PHLPP2: variants seen among roughly 807,000 people sequenced by gnomAD.
The protein encoded by PHLPP2 is PH domain leucine-rich repeat-containing protein phosphatase 2.
Under a neutral mutation model 124.9 loss-of-function variants are expected in PHLPP2, and 66 were observed. That is an observed-to-expected ratio of 0.53 (90% CI 0.43 to 0.65). PHLPP2 has a LOEUF of 0.65. Ranked by LOEUF, PHLPP2 falls within the 30% of genes least tolerant of loss-of-function variation. PHLPP2 has a pLI of 0.00. For missense variants in PHLPP2, 1,685 were observed against 1,600.4 expected (o/e 1.05, Z -0.90); for synonymous variants, 681 against 624.7 (o/e 1.09, Z -1.34).
Position 71,645,036 on chromosome 16 carries a change from A to G in PHLPP2, c.*3854T>C. ...ATGCTCTGGCTCATATTATTGAATT[A>G]AAAAATTTAACACATTTCAAAAATA... On this transcript the variant is annotated 3_prime_UTR_variant, in exon 19 of 19. Transcript: ENST00000568954. 1 of 277,806 alleles carries G rather than the reference A, an allele frequency of 3.6e-6. No homozygotes were observed. Among genetic ancestry groups the G allele is most frequent in the Non-Finnish European group, 7.1e-6 (1 of 141,360 alleles). The allele number at this position is 277,806 out of a possible 1,614,324, so 17.2% of individuals were successfully genotyped here. A position where few individuals can be genotyped will look rare whatever the true frequency, so the allele number is the denominator to read the frequency against.
Position 71,669,323 on chromosome 16 carries a change from A to G in PHLPP2, c.1580T>C (p.Ile527Thr). 6.2e-7 allele frequency: 1 copy of G among 1,612,854 alleles called. No individual in the cohort carries two copies. Residue 527 changes from isoleucine (I) to threonine (T), a missense_variant, in exon 11 of 19, where the codon ATA (isoleucine) becomes ACA (threonine). Physicochemically the swap from Ile to Thr is moderately conservative, Grantham distance 89. Transcript: ENST00000568954. The stretch of plus-strand genomic sequence containing the variant: ...ATTATAGCTCACATCTAATACTTCT[A>G]TCTTCTTTGCTTCACAGGCCCAGTC... ...VPDWACEAKK[I>T]EVLDVSYNLL...
intron 5 of PHLPP2, among the ~76,000 whole-genome samples, chr16:71,683,313 G>A (rs1309147816): frequency 6.6e-6 from 1 of 152,198 alleles, no homozygotes; most frequent in Non-Finnish European, 1.5e-5. Flanking sequence ...CTTTTCAAAG[G>A]CTAAAGTGCA....
chr16:71,714,717 C>G lies in PHLPP2; in HGVS notation c.79G>C (p.Asp27His). 6.2e-7 allele frequency: 1 copy of G among 1,614,146 alleles called. No homozygotes were observed. The highest frequency in any genetic ancestry group is 8.5e-7 in the Non-Finnish European group (1 of 1,180,004). Residue 27 changes from aspartate (D) to histidine (H), a missense_variant, in exon 2 of 19, where the codon GAT (aspartate) becomes CAT (histidine). By Grantham distance (81) the Asp-to-His change is moderately conservative. Transcript: ENST00000568954. ...GSRERDWLREDVKRGCVYLYG... is the reference protein window; with the variant it reads ...GSRERDWLREHVKRGCVYLYG... ...AGGTAAACACAGCCTCTCTTTACAT[C>G]TTCTCTTAGCCAGTCTCTTTCTCGA...
chr16:71,658,304 A>T lies in PHLPP2; in HGVS notation c.2208T>A (p.Ala736=). 1 of 1,613,736 alleles carries T rather than the reference A, an allele frequency of 6.2e-7. No homozygotes were observed. Among genetic ancestry groups the T allele is most frequent in the East Asian group, 2.2e-5 (1 of 44,866 alleles). ...CAGTCAGGTCAAGGTCTTGTAATGT[A>T]GCAGGCAAAGCCTCTGGAATCAGGA... ...TEILIPEALP[A]TLQDLDLTGN... is the part of the protein sequence containing the mutation. Residue 736 remains alanine, a synonymous_variant, in exon 15 of 19, where the codon GCT becomes GCA. Transcript: ENST00000568954.
chr16:71,668,636 C>A (rs1307177996), intron 11 of PHLPP2, among the ~76,000 whole-genome samples: 1 of 151,864 alleles, frequency 6.6e-6, no homozygotes, highest in African/African-American at 2.4e-5. Context: ...GTGGTGTGCA[C>A]CCATAGTCCC....
Position 71,648,982 on chromosome 16 carries a change from G to C in PHLPP2, c.3880C>G (p.Gln1294Glu). The C allele has an allele frequency of 6.2e-7, 1 of 1,614,062 alleles. No individual in the cohort carries two copies. The highest frequency in any genetic ancestry group is 1.3e-5 in the African/African-American group (1 of 75,022). The change falls in exon 19 of 19, where the codon CAA (glutamine) becomes GAA (glutamate). Residue 1294 changes from glutamine (Q) to glutamate (E), a missense_variant. By Grantham distance (29) the Gln-to-Glu change is conservative. Transcript: ENST00000568954. Reference sequence around the variant, plus strand: ...CGGCTGTCCTGGTGCTGTTTCATTTGTTCCTTCACTTCTTCTTCCAGGTCA... The same window carrying C: ...CGGCTGTCCTGGTGCTGTTTCATTTCTTCCTTCACTTCTTCTTCCAGGTCA... ...PHDLEEEVKE[Q>E]MKQHQDSRLE...
rs1166886732 is a variant in PHLPP2 at position 71,645,455 on chromosome 16, A to G, written c.*3435T>C. Reference sequence around the variant, plus strand: ...ACATCACTGAATGGCTTGGAGACTAATTATTTAATAATTGGTACATTTATC... The same window carrying G: ...ACATCACTGAATGGCTTGGAGACTAGTTATTTAATAATTGGTACATTTATC... On this transcript the variant is annotated 3_prime_UTR_variant, in exon 19 of 19. Transcript: ENST00000568954. 1.3e-5 allele frequency: 2 copies of G among 152,652 alleles called. No individual in the cohort carries two copies. Among genetic ancestry groups the G allele is most frequent in the Non-Finnish European group, 2.9e-5 (2 of 68,048 alleles). 9.5% of individuals were successfully genotyped at this position (152,652 alleles called of 1,614,324 possible). A position where few individuals can be genotyped will look rare whatever the true frequency, so the allele number is the denominator to read the frequency against.
intron 1 of PHLPP2, among the ~76,000 whole-genome samples, chr16:71,722,994 C>T (rs1300979414): frequency 6.6e-6 from 1 of 152,234 alleles, no homozygotes; most frequent in African/African-American, 2.4e-5. Flanking sequence ...TTTTCATATC[C>T]TCCCACTCCC....
intron 16 of PHLPP2, among the ~76,000 whole-genome samples, chr16:71,656,091 C>T: frequency 8.2e-6 from 1 of 122,054 alleles, no homozygotes; most frequent in South Asian, 5.5e-4. Context: ...AGTTTATTAC[C>T]CCTTATAGCA....
chr16:71,710,476 C>T (rs542068424), intron 2 of PHLPP2, among the ~76,000 whole-genome samples: 1 of 152,288 alleles, frequency 6.6e-6, no homozygotes, highest in African/African-American at 2.4e-5. Flanking sequence ...CTAGGGAAAT[C>T]AGCAATGTGA....
intron 4 of PHLPP2, among the ~76,000 whole-genome samples, chr16:71,687,184 T>C (rs2145349042): frequency 6.6e-6 from 1 of 152,368 alleles, no homozygotes; most frequent in South Asian, 2.1e-4. Context: ...TGAAGATCTT[T>C]TCATGTGTTT....
Position 71,719,964 on chromosome 16 carries a change from A to ATTTTTTTTTTTTTTTTTTTTTTT in PHLPP2, c.-7+4342_-7+4364dup, listed in dbSNP as rs756642820. 3.8e-4 allele frequency among the ~76,000 whole-genome samples: 20 copies of ATTTTTTTTTTTTTTTTTTTTTTT among 53,248 alleles called. 3 individuals carry two copies. Among genetic ancestry groups the ATTTTTTTTTTTTTTTTTTTTTTT allele is most frequent in the African/African-American group, 1.3e-3 (15 of 11,984 alleles). The allele number at this position is 53,248 out of a possible 152,430, so 34.9% of individuals were successfully genotyped here. On this transcript the variant is annotated intron_variant, in intron 1 of 18. Coordinates refer to ENST00000568954, the MANE Select transcript of PHLPP2 (RefSeq NM_015020.3). The stretch of plus-strand genomic sequence containing the variant: ...AGGTGCACAACACCATGCCCAGCTA[A>ATTTTTTTTTTTTTTTTTTTTTTT]TTTTTTTTTTTTTTTTTTTTTTTTG...
At chr16:71,706,574 G>A (rs9888756) in intron 2 of PHLPP2, among the ~76,000 whole-genome samples, 128,645 of 152,126 alleles carry the variant, frequency 0.85, 54,575 homozygotes, top group East Asian at 0.99. Flanking sequence ...GTTAAAATCA[G>A]TAATATAGAT....
chr16:71,686,450 A>C (rs2045056096), intron 4 of PHLPP2, among the ~76,000 whole-genome samples: 1 of 152,104 alleles, frequency 6.6e-6, no homozygotes, highest in Non-Finnish European at 1.5e-5. Context: ...CTAGGATTAC[A>C]GGTGTGAGCC....
rs2044652436 is a variant in PHLPP2 at position 71,646,245 on chromosome 16, C to T, written c.*2645G>A. ...TTTGTATTATATTTTTCATAATGGG[C>T]TATGGCCTTTTTACCCTGTTTTAAT... On this transcript the variant is annotated 3_prime_UTR_variant, in exon 19 of 19. Coordinates refer to ENST00000568954, the MANE Select transcript of PHLPP2 (RefSeq NM_015020.3). The T allele has an allele frequency of 6.6e-6, 1 of 152,320 alleles. No homozygotes were observed. Among genetic ancestry groups the T allele is most frequent in the South Asian group, 2.1e-4 (1 of 4,832 alleles). 9.4% of individuals were successfully genotyped at this position (152,320 alleles called of 1,614,324 possible). A position where few individuals can be genotyped will look rare whatever the true frequency, so the allele number is the denominator to read the frequency against.
At chr16:71,679,290 T>C (rs2145337281) in intron 7 of PHLPP2, 99 bp downstream of exon 7, 1 of 1,046,628 alleles carries the variant, frequency 9.6e-7, no homozygotes, top group Non-Finnish European at 1.5e-6. Context: ...GTACATGATA[T>C]AGTTCACTGC....
chr16:71,660,079 AAAAT>A (rs1324599689), intron 13 of PHLPP2, among the ~76,000 whole-genome samples: 1 of 152,044 alleles, frequency 6.6e-6, no homozygotes, highest in Non-Finnish European at 1.5e-5. Flanking sequence ...AAAAAACTGA[AAAAT>A]AGAGACAAAC....
chr16:71,682,012 G>GAAA (rs11439127), intron 5 of PHLPP2, 107 bp from the exon 6 acceptor site: 5 of 644,118 alleles, frequency 7.8e-6, no homozygotes, highest in Non-Finnish European at 7.3e-6. Context: ...AAAAAGATAG[G>GAAA]AAAAAAAAGG....
chr16:71,714,958 G>A (rs766733297), intron 1 of PHLPP2, 157 bp from the exon 2 acceptor site: 11 of 870,670 alleles, frequency 1.3e-5, no homozygotes, highest in Middle Eastern at 3.5e-4. Context: ...ATGCTCATTC[G>A]TAATAACTCA....
Sources: gnomAD v4.1 joint callset for allele counts (sites outside exome capture counted in the v4.1 genomes callset) on GRCh38, gnomAD v4.1.1 for gene constraint, MANE v1.5 for transcripts, NCBI Gene and HGNC (gene_info 2026-07-23, HGNC 2026-07-21) for gene names.